Variants in IQGAP3 observed in about 807,000 individuals in gnomAD.
IQGAP3 encodes the protein ras GTPase-activating-like protein IQGAP3.
Under a neutral mutation model 208.2 loss-of-function variants are expected in IQGAP3, and 165 were observed. The observed-to-expected ratio is 0.79, with a 90% CI of 0.70 to 0.90. The LOEUF (loss-of-function observed/expected upper bound fraction) is 0.90. Ranked by LOEUF, IQGAP3 falls within the 40% of genes least tolerant of loss-of-function variation. IQGAP3 has a pLI of 0.00. For missense variants in IQGAP3, 1,811 were observed against 2,043.1 expected, an observed-to-expected ratio of 0.89 and a Z score of 2.19; for synonymous variants, 703 against 803.6, an observed-to-expected ratio of 0.87 and a Z score of 2.12.
rs1486784643 is a variant in IQGAP3 at position 156,534,013 on chromosome 1, T to C, written c.3869A>G (p.His1290Arg). The C allele has an allele frequency of 6.2e-7, 1 of 1,613,698 alleles. No individual in the cohort carries two copies. The highest frequency in any genetic ancestry group is 1.7e-5 in the Admixed American group (1 of 60,014). Residue 1290 changes from histidine to arginine, a missense_variant, in exon 30 of 38, where the codon CAC becomes CGC. His to Arg is a conservative substitution (Grantham distance 29, BLOSUM62 0). Coordinates refer to ENST00000361170, the MANE Select transcript of IQGAP3 (RefSeq NM_178229.5). ...YITVGELVNT[H>R]RLLLEHQDCI... The stretch of plus-strand genomic sequence containing the variant: ...CTCCAGATCTCAGCCCCTCACCCTG[T>C]GCGTGTTGACCAGCTCCCCCACGGT...
rs1251099955 is a variant in IQGAP3 at position 156,562,673 on chromosome 1, A to C, written c.799-8T>G. 8.1e-6 allele frequency: 13 copies of C among 1,612,214 alleles called. No individual in the cohort carries two copies. Among genetic ancestry groups the C allele is most frequent in the Non-Finnish European group, 1.1e-5 (13 of 1,178,452 alleles). On this transcript the variant is annotated splice_region_variant and splice_polypyrimidine_tract_variant and intron_variant, in intron 8 of 37. Transcript: ENST00000361170. ...CTGGCTTTCTCTGTCATCCTGCAAA[A>C]ACTCCATTGAAAGGGAACCTGGGAA...
chr1:156,528,003 T>G lies in IQGAP3; in HGVS notation c.4731A>C (p.Val1577=), dbSNP rs1389517945. 1 of 1,614,164 alleles carries G rather than the reference T, an allele frequency of 6.2e-7. No homozygotes were observed. Among genetic ancestry groups the G allele is most frequent in the African/African-American group, 1.3e-5 (1 of 75,044 alleles). ...TGTCCACACCCAGGAACTTGGCATT[T>G]ACTTCAAACTTTCCTGCCTCATCTC... ...TPGDEAGKFE[V]NAKFLGVDME... is the part of the protein sequence containing the mutation. Residue 1577 remains valine, a synonymous_variant, in exon 37 of 38, where the codon GTA becomes GTC. Transcript: ENST00000361170.
chr1:156,549,602 C>T (rs565184527), intron 16 of IQGAP3, among the ~76,000 whole-genome samples: 1 of 152,200 alleles, frequency 6.6e-6, no homozygotes, highest in African/African-American at 2.4e-5. Context: ...CAGTACACTG[C>T]CCTCTAGCCT....
chr1:156,528,923 CG>C lies in IQGAP3; in HGVS notation c.4563del (p.Asp1522ThrfsTer56). ...YIRACLDHLA[P>X]DSKSSGKGKK... is the part of the protein sequence containing the mutation. ...CGGGAAAGCAGCACCTACTTGGAGT[CG>C]GGGGCCAGGTGGTCCAGGCAGGCCC... On this transcript the variant is annotated frameshift_variant, in exon 35 of 38. Coordinates refer to ENST00000361170, the MANE Select transcript of IQGAP3 (RefSeq NM_178229.5). LOFTEE classifies it high-confidence loss of function. The C allele has an allele frequency of 3.1e-6, 5 of 1,614,162 alleles. No homozygotes were observed. The highest frequency in any genetic ancestry group is 4.2e-6 in the Non-Finnish European group (5 of 1,180,030).
At chr1:156,533,561 A>G (rs181051129) in intron 31 of IQGAP3, among the ~76,000 whole-genome samples, 201 of 152,264 alleles carry the variant, frequency 1.3e-3, no homozygotes, top group African/African-American at 4.6e-3. Flanking sequence ...ACCGTTTTCC[A>G]TGATGATCGT....
chr1:156,536,800 A>C, intron 27 of IQGAP3: 1 of 161,742 alleles, frequency 6.2e-6, no homozygotes, highest in East Asian at 1.8e-4. Context: ...GTATTGACTA[A>C]ATTTTAAGAA....
In IQGAP3 at chr1:156,566,060, C is replaced by T. The variant is rs1676385774; in HGVS notation, c.327G>A (p.Trp109Ter). The T allele has an allele frequency of 1.2e-6, 2 of 1,613,700 alleles. No homozygotes were observed. Among genetic ancestry groups the T allele is most frequent in the Admixed American group, 1.7e-5 (1 of 59,984 alleles). The change falls in exon 4 of 38, where the codon TGG becomes TGA. Residue 109 changes from tryptophan to a stop codon, truncating the protein, a stop_gained. Coordinates refer to ENST00000361170, the MANE Select transcript of IQGAP3 (RefSeq NM_178229.5). LOFTEE classifies it high-confidence loss of function. ...HFRHTDNINF[W>*]LSAIAHIGLP... ...GACCGATGTGGGCTATTGCAGATAG[C>T]CAAAAGTTGATGTTGTCTGTGTGAC...
In IQGAP3 at chr1:156,566,396, C is replaced by T; in HGVS notation, c.276G>A (p.Arg92=). Residue 92 remains arginine (R), a synonymous_variant, in exon 3 of 38, where the codon CGG becomes CGA. Transcript: ENST00000361170. The part of the protein sequence containing the change: ...LKKIYDVEQL[R]YQATGLHFRH... The stretch of plus-strand genomic sequence containing the variant: ...TGGGGTCCAATCCTCCCACCTGGTA[C>T]CGCAGCTGCTCCACATCGTAGATCT... The T allele has an allele frequency of 6.2e-7, 1 of 1,614,012 alleles. No individual in the cohort carries two copies. Among genetic ancestry groups the T allele is most frequent in the South Asian group, 1.1e-5 (1 of 91,064 alleles).
At chr1:156,551,670 G>A (rs1176403320) in intron 15 of IQGAP3, 35 bp downstream of exon 15, 3 of 1,583,318 alleles carry the variant, frequency 1.9e-6, no homozygotes, top group Non-Finnish European at 2.6e-6. Flanking sequence ...TGTTCTTCCT[G>A]CTCTGATGAC....
chr1:156,560,573 G>A (rs1216607314), intron 11 of IQGAP3, among the ~76,000 whole-genome samples: 3 of 152,208 alleles, frequency 2.0e-5, no homozygotes, highest in African/African-American at 4.8e-5. Context: ...AAGGGAAACT[G>A]AGAAGATGAG....
rs1676164563 is a variant in IQGAP3 at position 156,561,867 on chromosome 1, G to A, written c.1012C>T (p.Leu338=). Residue 338 remains leucine, a synonymous_variant, in exon 10 of 38, where the codon CTG becomes TTG. Coordinates refer to ENST00000361170, the MANE Select transcript of IQGAP3 (RefSeq NM_178229.5). ...RDFADWYLEQ[L]NSDREQKAQE... is the part of the protein sequence containing the mutation. ...GCCTTCTGCTCTCTGTCTGAGTTCAGCTGCTCCAGGTACCAGTCAGCAAAG... is the reference window on the plus strand; with the variant it reads ...GCCTTCTGCTCTCTGTCTGAGTTCAACTGCTCCAGGTACCAGTCAGCAAAG... 4.3e-6 allele frequency: 7 copies of A among 1,613,960 alleles called. No homozygotes were observed. The South Asian group carries it at 7.7e-5, about 18-fold the overall frequency.
intron 11 of IQGAP3, among the ~76,000 whole-genome samples, chr1:156,560,419 G>A (rs1378441975): frequency 6.6e-6 from 1 of 152,196 alleles, no homozygotes; most frequent in Non-Finnish European, 1.5e-5. Context: ...GCTGAGGCAA[G>A]AGAATCATTT....
rs1393224692 is a variant in IQGAP3, at chr1:156,525,756, G to GAAAAAAAAAAAAAAA, written c.*729_*730insTTTTTTTTTTTTTTT. 2 of 71,110 alleles carry GAAAAAAAAAAAAAAA rather than the reference G, an allele frequency of 2.8e-5. No homozygotes were observed. Among genetic ancestry groups the GAAAAAAAAAAAAAAA allele is most frequent in the Non-Finnish European group, 3.4e-5 (1 of 29,014 alleles). The allele number at this position is 71,110 out of a possible 1,614,324, so 4.4% of individuals were successfully genotyped here. On this transcript the variant is annotated 3_prime_UTR_variant, in exon 38 of 38. Coordinates refer to ENST00000361170, the MANE Select transcript of IQGAP3 (RefSeq NM_178229.5). ...AAAAAAAAAAAAAAAAAAAAAAAAT[G>GAAAAAAAAAAAAAAA]AAAGCGTTAAAACCCTGATTAAGTC...
At chr1:156,533,975 C>A in intron 30 of IQGAP3, 34 bp downstream of exon 30, 1 of 1,611,544 alleles carries the variant, frequency 6.2e-7, no homozygotes, top group Non-Finnish European at 8.5e-7. Context: ...CCCTTGCCCA[C>A]CCAGCCAACA....
At chr1:156,547,394 C>G (rs1262962755) in intron 19 of IQGAP3, among the ~76,000 whole-genome samples, 10 of 120,306 alleles carry the variant, frequency 8.3e-5, no homozygotes, top group African/African-American at 2.2e-4. Flanking sequence ...CACAGACACA[C>G]ACACACACAC....
At chr1:156,534,171 G>A (rs372554746) in intron 29 of IQGAP3, 30 bp from the exon 30 acceptor site, 15 of 1,610,518 alleles carry the variant, frequency 9.3e-6, no homozygotes, top group East Asian at 4.5e-5. Flanking sequence ...GTGAGAGAGC[G>A]GGGAGGGCCA....
At chr1:156,561,308 C>A (rs1676140668) in intron 10 of IQGAP3, among the ~76,000 whole-genome samples, 1 of 152,054 alleles carries the variant, frequency 6.6e-6, no homozygotes, top group Non-Finnish European at 1.5e-5. Flanking sequence ...GCTGGGATTA[C>A]AAGCGTGTGC....
At chr1:156,571,310 GA>G (rs1676633343) in intron 1 of IQGAP3, among the ~76,000 whole-genome samples, 1 of 152,224 alleles carries the variant, frequency 6.6e-6, no homozygotes, top group Admixed American at 6.5e-5. Flanking sequence ...CAGAGAGCTT[GA>G]AAAAAGGCAG....
intron 11 of IQGAP3, 61 bp from the exon 12 acceptor site, chr1:156,556,754 C>T (rs1025198674): frequency 1.3e-5 from 18 of 1,418,772 alleles, no homozygotes; most frequent in Middle Eastern, 2.6e-4. Context: ...CTCCACTCTC[C>T]TCACCAACTA....
Sources: gnomAD v4.1 joint callset for allele counts (sites outside exome capture counted in the v4.1 genomes callset) on GRCh38, gnomAD v4.1.1 for gene constraint, MANE v1.5 for transcripts, NCBI Gene and HGNC (gene_info 2026-07-23, HGNC 2026-07-21) for gene names.